VWA2: variants seen among roughly 807,000 people sequenced by gnomAD.
VWA2 encodes the protein von Willebrand factor A domain-containing protein 2.
A neutral mutation model predicts 70.4 loss-of-function variants in VWA2; 73 were observed. That is an observed-to-expected ratio of 1.04 (90% CI 0.86 to 1.26). The LOEUF (loss-of-function observed/expected upper bound fraction) is 1.26, where lower values mean the gene tolerates loss of function less well. Among genes scored for constraint, VWA2 ranks in the 50% most tolerant of loss-of-function variants. VWA2 has a pLI of 0.00. For missense variants in VWA2, 1,011 were observed against 998.5 expected, an observed-to-expected ratio of 1.01 and a Z score of -0.17; for synonymous variants, 407 against 423.3, an observed-to-expected ratio of 0.96 and a Z score of 0.47.
chr10:114,261,735 A>G (rs1410499898), intron 5 of VWA2, among the ~76,000 whole-genome samples: 2 of 152,190 alleles, frequency 1.3e-5, no homozygotes, highest in East Asian at 3.8e-4. Context: ...AGTGCTTTAA[A>G]AATTATGAAT....
intron 3 of VWA2, 143 bp downstream of exon 3, chr10:114,253,868 CA>C: frequency 1.3e-6 from 1 of 787,180 alleles, no homozygotes; most frequent in South Asian, 1.8e-5. Flanking sequence ...TTTCCCCAAA[CA>C]GGGACCTGAC....
chr10:114,275,067 G>A (rs1172924425), intron 6 of VWA2, among the ~76,000 whole-genome samples: 1 of 152,168 alleles, frequency 6.6e-6, no homozygotes, highest in African/African-American at 2.4e-5. Flanking sequence ...GAGGGGACAG[G>A]CATGGAGATT....
In VWA2 at chr10:114,290,488, C is replaced by T. The variant is rs186751754; in HGVS notation, c.2248+123C>T. 95 of 1,354,914 alleles carry T rather than the reference C, an allele frequency of 7.0e-5. 1 individual carries two copies. In the East Asian group the frequency reaches 1.2e-3, roughly 16 times the overall value. 83.9% of individuals were successfully genotyped at this position (1,354,914 alleles called of 1,614,324 possible). On this transcript the variant is annotated intron_variant, in intron 13 of 13. Coordinates refer to ENST00000392982, the MANE Select transcript of VWA2 (RefSeq NM_001272046.2). ...CGTTCAGTGGAAGAAATTATTCAGT[C>T]GTTTACCCACGAAACATTTAGTGAG...
intron 1 of VWA2, among the ~76,000 whole-genome samples, chr10:114,243,610 A>AATTGC (rs1235244700): frequency 1.4e-5 from 2 of 147,138 alleles, no homozygotes; most frequent in African/African-American, 5.1e-5. Context: ...TTGGGGTTGG[A>AATTGC]ATTGCATTTT....
intron 5 of VWA2, among the ~76,000 whole-genome samples, chr10:114,269,955 C>A (rs191534695): frequency 5.1e-4 from 77 of 152,306 alleles, no homozygotes; most frequent in African/African-American, 1.7e-3. Flanking sequence ...AGCATTTAAG[C>A]AGGACAGTTT....
chr10:114,254,311 A>G (rs2037273180), intron 3 of VWA2, among the ~76,000 whole-genome samples: 1 of 152,004 alleles, frequency 6.6e-6, no homozygotes, highest in Admixed American at 6.5e-5. Flanking sequence ...AACTCAAGCA[A>G]TCCGCCCGCG....
chr10:114,249,062 T>C (rs1479447768), intron 2 of VWA2, among the ~76,000 whole-genome samples: 1 of 152,058 alleles, frequency 6.6e-6, no homozygotes, highest in Non-Finnish European at 1.5e-5. Flanking sequence ...GTTCGTTACA[T>C]AGGTAAATGT....
intron 13 of VWA2, among the ~76,000 whole-genome samples, chr10:114,290,784 GCT>G (rs1477460743): frequency 5.3e-5 from 8 of 152,280 alleles, no homozygotes; most frequent in African/African-American, 1.9e-4. Flanking sequence ...GCTGCTGGAA[GCT>G]CTTTTTGGGG....
rs1484511961 is a variant in VWA2, at chr10:114,286,384, G to C, written c.1443G>C (p.Glu481Asp). 6.2e-7 allele frequency: 1 copy of C among 1,613,732 alleles called. No individual in the cohort carries two copies. Among genetic ancestry groups the C allele is most frequent in the African/African-American group, 1.3e-5 (1 of 74,958 alleles). ...TGCTCCTGCTGGGTGTAGGCAGTGAGGCCGTGCGGGCAGAGCTGGAGGAGA... is the reference window on the plus strand; with the variant it reads ...TGCTCCTGCTGGGTGTAGGCAGTGACGCCGTGCGGGCAGAGCTGGAGGAGA... ...RELLLLGVGS[E>D]AVRAELEEIT... Residue 481 changes from glutamate (E) to aspartate (D), a missense_variant, in exon 11 of 14, where the codon GAG (glutamate) becomes GAC (aspartate). Glu to Asp is a conservative substitution (Grantham distance 45, BLOSUM62 2). Transcript: ENST00000392982.
chr10:114,259,158 A>G (rs943503298), intron 4 of VWA2, among the ~76,000 whole-genome samples: 1 of 152,216 alleles, frequency 6.6e-6, no homozygotes, highest in South Asian at 2.1e-4. Context: ...TTCTACAAGC[A>G]ATGTTTGAGA....
chr10:114,258,837 C>T (rs538271877), intron 4 of VWA2, among the ~76,000 whole-genome samples: 13 of 152,142 alleles, frequency 8.5e-5, no homozygotes, highest in African/African-American at 2.2e-4. Context: ...CGTAGCCTAC[C>T]GTACACATTA....
At position 114,291,403 on chromosome 10, in the gene VWA2, A is replaced by G; in HGVS notation, c.*166A>G. The G allele has an allele frequency of 1.3e-6, 1 of 749,434 alleles. No homozygotes were observed. Among genetic ancestry groups the G allele is most frequent in the Non-Finnish European group, 2.1e-6 (1 of 483,596 alleles). 46.4% of individuals were successfully genotyped at this position (749,434 alleles called of 1,614,324 possible). A position where few individuals can be genotyped will look rare whatever the true frequency, so the allele number is the denominator to read the frequency against. ...GGACCACTATTCTCACTGAGGGAGG[A>G]GGATGTCCCAACTGCAGCCATGCTG... On this transcript the variant is annotated 3_prime_UTR_variant, in exon 14 of 14. Coordinates refer to ENST00000392982, the MANE Select transcript of VWA2 (RefSeq NM_001272046.2).
chr10:114,254,323 T>C (rs1434953345), intron 3 of VWA2, among the ~76,000 whole-genome samples: 1 of 152,086 alleles, frequency 6.6e-6, no homozygotes. Context: ...CCGCCCGCGT[T>C]GGTCTCCCAA....
rs562938837 is a variant in VWA2 at position 114,258,217 on chromosome 10, CTT to C, written c.262-2965_262-2964del. 1.2e-4 allele frequency among the ~76,000 whole-genome samples: 18 copies of C among 152,242 alleles called. No individual in the cohort carries two copies. In the East Asian group the frequency reaches 3.3e-3, roughly 28 times the overall value. On this transcript the variant is annotated intron_variant, in intron 4 of 13. Coordinates refer to ENST00000392982, the MANE Select transcript of VWA2 (RefSeq NM_001272046.2). Reference sequence around the variant, plus strand: ...TTGCTGCTGCATTTTTTTGTATTCTCTTTTTGTTGTCTCCATGTACAAGGCAT... The same window carrying C: ...TTGCTGCTGCATTTTTTTGTATTCTCTTTGTTGTCTCCATGTACAAGGCAT...
At chr10:114,248,429 C>T (rs1352310774) in intron 1 of VWA2, among the ~76,000 whole-genome samples, 10 of 152,188 alleles carry the variant, frequency 6.6e-5, no homozygotes, top group African/African-American at 2.4e-4. Context: ...GAGAGCACAC[C>T]TTCCCAGGGC....
chr10:114,279,175 T>C (rs534933547), intron 8 of VWA2, among the ~76,000 whole-genome samples: 1 of 152,198 alleles, frequency 6.6e-6, no homozygotes, highest in South Asian at 2.1e-4. Context: ...GTAATTTGGT[T>C]CCTCTGAGCA....
In VWA2 at chr10:114,263,671, C is replaced by T. The variant is rs77830966; in HGVS notation, c.371+2376C>T. On this transcript the variant is annotated intron_variant, in intron 5 of 13. Transcript: ENST00000392982. ...CTTTTAAAAGGCGTCTCCCCACCCT[C>T]CCCTGTGACTGTTACACACGCTAAC... Among the ~76,000 whole-genome samples, 727 of 152,200 alleles carry T rather than the reference C, an allele frequency of 4.8e-3. 4 individuals carry two copies. Among genetic ancestry groups the T allele is most frequent in the African/African-American group, 0.017 (699 of 41,522 alleles).
At chr10:114,291,094 C>G in intron 13 of VWA2, 124 bp from the exon 14 acceptor site, 3 of 1,158,170 alleles carry the variant, frequency 2.6e-6, no homozygotes, top group Non-Finnish European at 3.8e-6. Flanking sequence ...AATCTGGCAT[C>G]TTCTGCTGGG....
chr10:114,286,119 T>A lies in VWA2; in HGVS notation c.1178T>A (p.Val393Glu). The change falls in exon 11 of 14, where the codon GTG becomes GAG. Residue 393 changes from valine to glutamate, a missense_variant. Coordinates refer to ENST00000392982, the MANE Select transcript of VWA2 (RefSeq NM_001272046.2). ...GCCACATACAGCAGGGAGCTGCTGG[T>A]GGCGGTGCCTGTGGGGGAGTACCAG... ...GVATYSRELLVAVPVGEYQDV... is the reference protein window; with the variant it reads ...GVATYSRELLEAVPVGEYQDV... 1 of 1,614,110 alleles carries A rather than the reference T, an allele frequency of 6.2e-7. No homozygotes were observed. Among genetic ancestry groups the A allele is most frequent in the Non-Finnish European group, 8.5e-7 (1 of 1,180,028 alleles).
Sources: gnomAD v4.1 joint callset for allele counts (sites outside exome capture counted in the v4.1 genomes callset) on GRCh38, gnomAD v4.1.1 for gene constraint, MANE v1.5 for transcripts, NCBI Gene and HGNC (gene_info 2026-07-23, HGNC 2026-07-21) for gene names.